Variants in SMAD1 observed in about 807,000 individuals in gnomAD.
SMAD1 encodes the protein MAD, mothers against decapentaplegic homolog 1.
SMAD1 carries 6 observed loss-of-function variants against 41.6 expected under a neutral mutation model. That is an observed-to-expected ratio of 0.14 (90% CI 0.08 to 0.28). SMAD1 has a LOEUF of 0.28. Ranked by LOEUF, SMAD1 falls within the 10% of genes least tolerant of loss-of-function variation. The probability of loss-of-function intolerance (pLI) is 1.00; values close to 1 mark genes in which losing one functional copy is unlikely to be tolerated. For missense variants in SMAD1, 379 were observed against 582.6 expected (o/e 0.65, Z 3.60); for synonymous variants, 206 against 203.2 (o/e 1.01, Z -0.12).
chr4:145,554,181 A>C (rs1244748130), intron 6 of SMAD1, 141 bp downstream of exon 6: 14 of 777,028 alleles, frequency 1.8e-5, no homozygotes, highest in Middle Eastern at 3.3e-4. Flanking sequence ...GGCATTTTTA[A>C]ACTTTAACAA....
intron 1 of SMAD1, among the ~76,000 whole-genome samples, chr4:145,512,386 C>T (rs1730130041): frequency 6.6e-6 from 1 of 152,130 alleles, no homozygotes. Context: ...AGTGCTAGAC[C>T]TTTCACTAGA....
In SMAD1 at chr4:145,509,888, G is replaced by A. The variant is rs186448863; in HGVS notation, c.-176-4550G>A. Among the ~76,000 whole-genome samples, 16 of 152,254 alleles carry A rather than the reference G, an allele frequency of 1.1e-4. No individual in the cohort carries two copies. The East Asian group carries it at 2.9e-3, about 28-fold the overall frequency. ...CTGTGGCCTCCCAAATAGAGTTGACGCTCCGTATTTGGCTTTCTAAGTTCT... is the reference window on the plus strand; with the variant it reads ...CTGTGGCCTCCCAAATAGAGTTGACACTCCGTATTTGGCTTTCTAAGTTCT... On this transcript the variant is annotated intron_variant, in intron 1 of 6. Coordinates refer to ENST00000302085, the MANE Select transcript of SMAD1 (RefSeq NM_005900.3).
intron 2 of SMAD1, among the ~76,000 whole-genome samples, chr4:145,533,798 GAGA>G (rs574511444): frequency 6.2e-4 from 94 of 152,328 alleles, no homozygotes; most frequent in Non-Finnish European, 1.2e-3. Flanking sequence ...AGATACATTG[GAGA>G]AGAAGCCTCA....
intron 1 of SMAD1, among the ~76,000 whole-genome samples, chr4:145,512,885 T>C (rs868490478): frequency 2.3e-4 from 35 of 152,196 alleles, no homozygotes; most frequent in African/African-American, 7.0e-4. Context: ...GCAATACCCA[T>C]CACCTAGACC....
Position 145,514,452 on chromosome 4 carries a change from A to G in SMAD1, c.-162A>G, listed in dbSNP as rs111666168. Reference sequence around the variant, plus strand: ...TTGTTTTGTAGGTGCTGACTGGGTTACTTTTTTAAACACTAGGAATGGTAA... The same window carrying G: ...TTGTTTTGTAGGTGCTGACTGGGTTGCTTTTTTAAACACTAGGAATGGTAA... On this transcript the variant is annotated 5_prime_UTR_variant, in exon 2 of 7. Transcript: ENST00000302085. This position sits in a 1 kb window ranked among gnomAD's most constrained non-coding sequence, Gnocchi z 4.7. 2,692 of 611,462 alleles carry G rather than the reference A, an allele frequency of 4.4e-3. 45 individuals are homozygous for G. The highest frequency in any genetic ancestry group is 0.039 in the African/African-American group (2,082 of 53,868). 37.9% of individuals were successfully genotyped at this position (611,462 alleles called of 1,614,324 possible).
intron 1 of SMAD1, among the ~76,000 whole-genome samples, chr4:145,510,850 T>C (rs1295968811): frequency 6.6e-6 from 1 of 152,212 alleles, no homozygotes; most frequent in African/African-American, 2.4e-5. Context: ...TGTTAGTCTT[T>C]TGCTTTATGA....
intron 1 of SMAD1, among the ~76,000 whole-genome samples, chr4:145,499,348 C>G (rs75714175): frequency 0.027 from 4,059 of 152,284 alleles, 185 homozygotes; most frequent in African/African-American, 0.092. Flanking sequence ...ATTGGCCAGG[C>G]ATGGTGGTTC....
chr4:145,490,165 G>A (rs145172530), intron 1 of SMAD1, among the ~76,000 whole-genome samples: 78 of 152,332 alleles, frequency 5.1e-4, no homozygotes, highest in African/African-American at 1.8e-3. Flanking sequence ...TGAAGGTTGA[G>A]GGGAAGAAGT....
chr4:145,529,838 T>C (rs2126478381), intron 2 of SMAD1, among the ~76,000 whole-genome samples: 1 of 152,332 alleles, frequency 6.6e-6, no homozygotes, highest in South Asian at 2.1e-4. Flanking sequence ...TAACCATTTG[T>C]CTTCCTGTAC....
At chr4:145,525,050 G>T (rs542510331) in intron 2 of SMAD1, among the ~76,000 whole-genome samples, 11 of 152,270 alleles carry the variant, frequency 7.2e-5, no homozygotes, top group African/African-American at 2.4e-4. Flanking sequence ...CAGGTGATTT[G>T]CCCCATGTGG....
chr4:145,507,681 T>C (rs77935640), intron 1 of SMAD1, among the ~76,000 whole-genome samples: 4,044 of 152,014 alleles, frequency 0.027, 71 homozygotes, highest in Non-Finnish European at 0.04. Context: ...ATGAATACTT[T>C]TTTGTTAGTG....
chr4:145,507,648 C>T (rs1206334529), intron 1 of SMAD1, among the ~76,000 whole-genome samples: 4 of 148,712 alleles, frequency 2.7e-5, no homozygotes, highest in African/African-American at 9.9e-5. Flanking sequence ...TTTAAGGCTG[C>T]TGGGTTTTTT....
At chr4:145,491,102 T>G (rs867159384) in intron 1 of SMAD1, among the ~76,000 whole-genome samples, 5 of 152,132 alleles carry the variant, frequency 3.3e-5, no homozygotes, top group Admixed American at 2.0e-4. Context: ...TTTTTATAGA[T>G]TTGATAGCAT....
chr4:145,481,065 G>A (rs537826511), upstream of SMAD1: 2 of 152,226 alleles, frequency 1.3e-5, no homozygotes, highest in Non-Finnish European at 2.9e-5. Context: ...CTTGCAAGAA[G>A]ATATTTTCAA....
At chr4:145,485,160 C>T (rs952158213) in intron 1 of SMAD1, among the ~76,000 whole-genome samples, 15 of 152,140 alleles carry the variant, frequency 9.9e-5, no homozygotes, top group African/African-American at 3.6e-4. Context: ...CCTCGACCTC[C>T]CAGGCCCAGG....
intron 2 of SMAD1, 121 bp from the exon 3 acceptor site, chr4:145,539,683 C>A: frequency 1.1e-6 from 1 of 935,920 alleles, no homozygotes; most frequent in Non-Finnish European, 1.6e-6. Flanking sequence ...TTTGAGTTGG[C>A]AGCAGGACAG....
At chr4:145,504,512 C>T (rs1349776128) in intron 1 of SMAD1, among the ~76,000 whole-genome samples, 1 of 152,198 alleles carries the variant, frequency 6.6e-6, no homozygotes, top group African/African-American at 2.4e-5. Context: ...ACAATTCCTA[C>T]TGTCTGCTAC....
At chr4:145,533,249 C>A (rs1731421751) in intron 2 of SMAD1, among the ~76,000 whole-genome samples, 1 of 152,200 alleles carries the variant, frequency 6.6e-6, no homozygotes, top group African/African-American at 2.4e-5. Flanking sequence ...TTTAATTAGT[C>A]ATCGCTTATA....
At chr4:145,524,302 A>G (rs911265320) in intron 2 of SMAD1, among the ~76,000 whole-genome samples, 8 of 152,192 alleles carry the variant, frequency 5.3e-5, no homozygotes, top group African/African-American at 1.9e-4. Flanking sequence ...TCCTAGGCAA[A>G]TGTGAAGCTT....
Sources: allele counts gnomAD v4.1 joint callset (sites outside exome capture counted in the v4.1 genomes callset), GRCh38; gene constraint gnomAD v4.1.1; non-coding constraint Gnocchi (gnomAD v3.1); transcripts MANE v1.5; gene names NCBI Gene and HGNC (gene_info 2026-07-23, HGNC 2026-07-21).